Variants in AGMO observed in about 807,000 individuals in gnomAD.
AGMO encodes alkylglycerol monooxygenase.
AGMO carries 75 observed loss-of-function variants against 60.2 expected under a neutral mutation model. That is an observed-to-expected ratio of 1.25 (90% confidence interval 1.03 to 1.51). AGMO has a LOEUF of 1.51. Ranked by LOEUF, AGMO falls within the 40% of genes most tolerant of loss-of-function variation. The probability of loss-of-function intolerance (pLI) is 0.00; values close to 1 mark genes in which losing one functional copy is unlikely to be tolerated. For missense variants in AGMO, 763 were observed against 525.5 expected (o/e 1.45, Z -4.42); for synonymous variants, 261 against 177.1 (o/e 1.47, Z -3.76).
At chr7:15,245,315 G>C (rs1174834171) in intron 12 of AGMO, among the ~76,000 whole-genome samples, 1 of 152,054 alleles carries the variant, frequency 6.6e-6, no homozygotes, top group Non-Finnish European at 1.5e-5. Flanking sequence ...CTGAGGTCTG[G>C]GAATAATATA....
chr7:15,252,623 C>T (rs1199986796), intron 12 of AGMO, among the ~76,000 whole-genome samples: 3 of 152,156 alleles, frequency 2.0e-5, no homozygotes, highest in Non-Finnish European at 4.4e-5. Flanking sequence ...CCCAGTCAAG[C>T]CTCAGATACG....
the AGMO span, among the ~76,000 whole-genome samples, chr7:15,149,082 AATT>A: frequency 6.6e-6 from 1 of 152,242 alleles, no homozygotes; most frequent in Non-Finnish European, 1.5e-5. Context: ...TGATGTTGAG[AATT>A]ATTTCATATG....
At chr7:15,232,625 T>C (rs1249847890) in intron 12 of AGMO, among the ~76,000 whole-genome samples, 1 of 152,106 alleles carries the variant, frequency 6.6e-6, no homozygotes, top group African/African-American at 2.4e-5. Flanking sequence ...ATGCTAAAAT[T>C]TAAAGAATGT....
intron 4 of AGMO, among the ~76,000 whole-genome samples, chr7:15,427,964 T>C (rs902302807): frequency 1.9e-5 from 1 of 51,852 alleles, no homozygotes; most frequent in Non-Finnish European, 4.5e-5. Flanking sequence ...CTAATTTTCA[T>C]AGTAATATAG....
chr7:15,554,495 A>G (rs970880677), intron 2 of AGMO, among the ~76,000 whole-genome samples: 3 of 152,082 alleles, frequency 2.0e-5, no homozygotes, highest in Admixed American at 1.3e-4. Context: ...CTTTCCTCCT[A>G]TTGTCCTATT....
rs574648566 is a variant in AGMO, at chr7:15,442,827, C to G, written c.410-11719G>C. On this transcript the variant is annotated intron_variant, in intron 3 of 12. Transcript: ENST00000342526. ...AGAACCTAGCAGGCAGAGACACAAG[C>G]AGCTGGACATCGAGAGGAACACACA... 7.6e-4 allele frequency among the ~76,000 whole-genome samples: 115 copies of G among 152,242 alleles called. 1 individual carries two copies. The South Asian group carries it at 0.024, about 31-fold the overall frequency.
At chr7:15,428,618 T>C (rs1781136636) in intron 4 of AGMO, among the ~76,000 whole-genome samples, 1 of 152,068 alleles carries the variant, frequency 6.6e-6, no homozygotes, top group South Asian at 2.1e-4. Flanking sequence ...TCAATACTGA[T>C]GTTGTGGGCT....
chr7:15,335,377 C>T (rs1030684327), intron 12 of AGMO, among the ~76,000 whole-genome samples: 3 of 152,124 alleles, frequency 2.0e-5, no homozygotes, highest in Admixed American at 2.0e-4. Flanking sequence ...TTAAGTTCAA[C>T]CCATTTGAAT....
intron 12 of AGMO, among the ~76,000 whole-genome samples, chr7:15,363,609 A>G (rs1002448418): frequency 6.6e-6 from 1 of 152,114 alleles, no homozygotes; most frequent in Non-Finnish European, 1.5e-5. Context: ...ACTTTTATCT[A>G]TTAACTAAAT....
intron 3 of AGMO, among the ~76,000 whole-genome samples, chr7:15,537,349 T>A (rs1376626259): frequency 6.6e-6 from 1 of 152,102 alleles, no homozygotes. Context: ...ACCTAGATCT[T>A]TTGATTCAAA....
intron 12 of AGMO, among the ~76,000 whole-genome samples, chr7:15,318,762 T>G (rs1049355131): frequency 3.3e-5 from 5 of 152,154 alleles, no homozygotes; most frequent in African/African-American, 1.2e-4. Flanking sequence ...TGGCTCAATT[T>G]TTTTCTTTGT....
chr7:15,287,691 T>G (rs573199280), intron 12 of AGMO, among the ~76,000 whole-genome samples: 2 of 152,324 alleles, frequency 1.3e-5, no homozygotes, highest in African/African-American at 4.8e-5. Flanking sequence ...TACTTACATG[T>G]AGGCACCAGA....
intron 12 of AGMO, among the ~76,000 whole-genome samples, chr7:15,311,547 G>C (rs551410172): frequency 6.6e-6 from 1 of 152,106 alleles, no homozygotes; most frequent in Non-Finnish European, 1.5e-5. Flanking sequence ...GTGCAGCCAA[G>C]TTTGTATCAG....
At chr7:15,249,494 C>T (rs1782867119) in intron 12 of AGMO, among the ~76,000 whole-genome samples, 1 of 152,082 alleles carries the variant, frequency 6.6e-6, no homozygotes, top group African/African-American at 2.4e-5. Flanking sequence ...CCTGCTATCC[C>T]ATATCTCTTG....
chr7:15,376,069 C>G (rs1286515358), intron 10 of AGMO, among the ~76,000 whole-genome samples: 1 of 152,020 alleles, frequency 6.6e-6, no homozygotes, highest in African/African-American at 2.4e-5. Context: ...TTCTACATTT[C>G]TGTAGTCTAT....
intron 3 of AGMO, among the ~76,000 whole-genome samples, chr7:15,499,932 C>CACACAT (rs146144087): frequency 0.035 from 4,861 of 138,872 alleles, 103 homozygotes; most frequent in Middle Eastern, 0.05. Flanking sequence ...CACACACACA[C>CACACAT]ATATATATAT....
the AGMO span, among the ~76,000 whole-genome samples, chr7:15,134,343 T>C: frequency 6.6e-6 from 1 of 152,052 alleles, no homozygotes; most frequent in Non-Finnish European, 1.5e-5. Context: ...CTAATTTTTG[T>C]AATTTTTTTT....
intron 3 of AGMO, among the ~76,000 whole-genome samples, chr7:15,449,105 A>C (rs1005184960): frequency 1.3e-5 from 2 of 152,166 alleles, no homozygotes; most frequent in Admixed American, 1.3e-4. Context: ...TTTGTTGTTT[A>C]GATGGAAAAA....
rs930882645 is a variant in AGMO, at chr7:15,200,856, C to T, written c.*429G>A. The T allele has an allele frequency of 2.0e-5, 3 of 153,124 alleles. No individual in the cohort carries two copies. The East Asian group carries it at 5.7e-4, about 29-fold the overall frequency. The allele number at this position is 153,124 out of a possible 1,614,324, so 9.5% of individuals were successfully genotyped here. A position where few individuals can be genotyped will look rare whatever the true frequency, so the allele number is the denominator to read the frequency against. ...ATATGGATTGCAAAGGTAACTGTGG[C>T]CTTAGGAAGACAACCAATGTAATAC... On this transcript the variant is annotated 3_prime_UTR_variant, in exon 13 of 13. Transcript: ENST00000342526.
Sources: allele counts gnomAD v4.1 joint callset (sites outside exome capture counted in the v4.1 genomes callset), GRCh38; gene constraint gnomAD v4.1.1; transcripts MANE v1.5; gene names NCBI Gene and HGNC (gene_info 2026-07-23, HGNC 2026-07-21).